Variants in CNGB3 observed in about 807,000 individuals in gnomAD.
CNGB3 encodes cyclic nucleotide gated channel subunit beta 3.
In CNGB3, 86 loss-of-function variants were observed where a neutral mutation model predicts 92.8. The ratio of observed to expected loss-of-function variants is 0.93; its 90% CI spans 0.78 to 1.11. CNGB3 has a LOEUF of 1.11. Ranked by LOEUF, CNGB3 falls within the 50% of genes least tolerant of loss-of-function variation. The pLI is 0.00. For missense variants in CNGB3, 1,026 were observed against 956.8 expected (o/e 1.07, Z -0.95); for synonymous variants, 333 against 332.7 (o/e 1.00, Z -0.01).
At chr8:86,718,766 C>T (rs993511817) in intron 3 of CNGB3, among the ~76,000 whole-genome samples, 2 of 151,758 alleles carry the variant, frequency 1.3e-5, no homozygotes, top group African/African-American at 4.8e-5. Flanking sequence ...ATGCAACAAT[C>T]CTTAACAAAT....
rs575805849 is a variant in CNGB3 at position 86,703,532 on chromosome 8, C to T, written c.338+22999G>A. The stretch of plus-strand genomic sequence containing the variant: ...TGTGGCTGCATGATGTCTAGTGGAC[C>T]GGCACTAGAGGGCAGTGTGAGTGCA... On this transcript the variant is annotated intron_variant, in intron 3 of 17. Transcript: ENST00000320005. 8.5e-5 allele frequency among the ~76,000 whole-genome samples: 13 copies of T among 152,162 alleles called. No individual in the cohort carries two copies. The Middle Eastern group carries it at 0.01, about 120-fold the overall frequency.
intron 3 of CNGB3, among the ~76,000 whole-genome samples, chr8:86,686,752 G>A (rs1190399992): frequency 2.6e-5 from 4 of 151,936 alleles, no homozygotes; most frequent in African/African-American, 4.8e-5. Context: ...TGTCATAAAG[G>A]CTTTAAGTGT....
chr8:86,649,730 T>C (rs187942733), intron 7 of CNGB3, among the ~76,000 whole-genome samples: 77 of 151,870 alleles, frequency 5.1e-4, no homozygotes, highest in Admixed American at 2.3e-3. Context: ...CTTCTGGACA[T>C]TGGCCTAGGC....
intron 13 of CNGB3, among the ~76,000 whole-genome samples, chr8:86,623,999 G>A (rs1005189624): frequency 1.3e-5 from 2 of 152,178 alleles, no homozygotes; most frequent in Non-Finnish European, 2.9e-5. Context: ...TGGCCTCCCT[G>A]CCTTCTACAT....
At chr8:86,647,698 T>C in intron 8 of CNGB3, 103 bp downstream of exon 8, 2 of 723,992 alleles carry the variant, frequency 2.8e-6, no homozygotes, top group South Asian at 1.6e-5. Context: ...ATTAAGAATA[T>C]TGATCATTTT....
In CNGB3 at chr8:86,743,587, A is replaced by G. The variant is rs1825378008; in HGVS notation, c.41T>C (p.Ile14Thr). The change falls in exon 1 of 18, where the codon ATA becomes ACA. Residue 14 changes from isoleucine to threonine, a missense_variant. Ile to Thr is a moderately conservative substitution (Grantham distance 89). Transcript: ENST00000320005. ...TTGTTCATTCTCATTGTTCTCTCCT[A>G]TAGGCTTCACCTTGTTGACTTTTGT... ...SLTKVNKVKP[I>T]GENNENEQSS... is the part of the protein sequence containing the mutation. The G allele has an allele frequency of 7.4e-6, 12 of 1,613,904 alleles. No homozygotes were observed. In the South Asian group the frequency reaches 8.8e-5, roughly 12 times the overall value.
At chr8:86,641,309 T>G (rs973043024) in intron 10 of CNGB3, among the ~76,000 whole-genome samples, 1 of 152,016 alleles carries the variant, frequency 6.6e-6, no homozygotes, top group Non-Finnish European at 1.5e-5. Flanking sequence ...AATCAAGAAA[T>G]AATTGTAGGT....
At chr8:86,633,345 T>C (rs1585981851) in intron 10 of CNGB3, among the ~76,000 whole-genome samples, 1 of 152,212 alleles carries the variant, frequency 6.6e-6, no homozygotes, top group African/African-American at 2.4e-5. Flanking sequence ...TTCCACATTA[T>C]GTCCTTTTGG....
chr8:86,703,575 C>T lies in CNGB3; in HGVS notation c.338+22956G>A, dbSNP rs368598528. On this transcript the variant is annotated intron_variant, in intron 3 of 17. Coordinates refer to ENST00000320005, the MANE Select transcript of CNGB3 (RefSeq NM_019098.5). ...TGAGTGCATGTTTATGGGTGTTAAACGACACTGTTCAAAGGCCGTTCTAAG... is the reference window on the plus strand; with the variant it reads ...TGAGTGCATGTTTATGGGTGTTAAATGACACTGTTCAAAGGCCGTTCTAAG... Among the ~76,000 whole-genome samples, 7 of 152,088 alleles carry T rather than the reference C, an allele frequency of 4.6e-5. No individual in the cohort carries two copies. In the East Asian group the frequency reaches 7.7e-4, roughly 17 times the overall value.
intron 10 of CNGB3, among the ~76,000 whole-genome samples, chr8:86,634,931 T>G (rs35049105): frequency 0.053 from 8,115 of 151,712 alleles, 294 homozygotes; most frequent in South Asian, 0.078. Context: ...TTACTCATTT[T>G]GAAATTCAAT....
At chr8:86,659,963 A>C (rs1169857291) in intron 6 of CNGB3, 6 of 337,700 alleles carry the variant, frequency 1.8e-5, no homozygotes. Flanking sequence ...GATCAATGAG[A>C]AAGTCTTGGT....
chr8:86,723,509 A>C (rs1488898426), intron 3 of CNGB3, among the ~76,000 whole-genome samples: 1 of 152,192 alleles, frequency 6.6e-6, no homozygotes, highest in African/African-American at 2.4e-5. Context: ...TAATTATTTT[A>C]TCATTGATAT....
At chr8:86,576,582 G>A (rs1821666340) in intron 17 of CNGB3, among the ~76,000 whole-genome samples, 1 of 152,130 alleles carries the variant, frequency 6.6e-6, no homozygotes, top group South Asian at 2.1e-4. Context: ...AGAACCTCAG[G>A]GAGAAACTTA....
At chr8:86,723,006 G>C (rs1258383482) in intron 3 of CNGB3, among the ~76,000 whole-genome samples, 6 of 152,002 alleles carry the variant, frequency 3.9e-5, no homozygotes, top group Non-Finnish European at 1.5e-5. Flanking sequence ...CATATATCCT[G>C]TTGGTTCTAT....
At chr8:86,658,356 C>T (rs1033399776) in intron 6 of CNGB3, 4 of 454,308 alleles carry the variant, frequency 8.8e-6, no homozygotes, top group South Asian at 8.2e-5. Flanking sequence ...ACTGTCCAGT[C>T]CATCTCCTTC....
At chr8:86,668,394 G>A (rs1823788763) in intron 4 of CNGB3, among the ~76,000 whole-genome samples, 1 of 152,016 alleles carries the variant, frequency 6.6e-6, no homozygotes, top group South Asian at 2.1e-4. Flanking sequence ...TAGATGATGG[G>A]ATGATGGGTG....
At chr8:86,611,419 T>G (rs1396211494) in intron 14 of CNGB3, among the ~76,000 whole-genome samples, 169 bp downstream of exon 14, 1 of 152,220 alleles carries the variant, frequency 6.6e-6, no homozygotes, top group Non-Finnish European at 1.5e-5. Context: ...TCTTGTTCCT[T>G]TGTGAACTCT....
intron 13 of CNGB3, among the ~76,000 whole-genome samples, chr8:86,622,700 C>T (rs746742146): frequency 5.3e-5 from 8 of 152,320 alleles, no homozygotes; most frequent in Non-Finnish European, 1.2e-4. Flanking sequence ...CTGGCATAAG[C>T]CATGGAACCT....
chr8:86,593,433 G>T (rs1822094472), intron 15 of CNGB3, among the ~76,000 whole-genome samples: 1 of 152,140 alleles, frequency 6.6e-6, no homozygotes. Context: ...GTGAAAACCA[G>T]GTAACTATGT....
Sources: gnomAD v4.1 joint callset for allele counts (sites outside exome capture counted in the v4.1 genomes callset) on GRCh38, gnomAD v4.1.1 for gene constraint, MANE v1.5 for transcripts, NCBI Gene and HGNC (gene_info 2026-07-23, HGNC 2026-07-21) for gene names.